Variants in UBE2D2 observed in about 807,000 individuals in gnomAD.
The protein encoded by UBE2D2 is ubiquitin conjugating enzyme E2 D2.
In UBE2D2, 2 loss-of-function variants were observed where a neutral mutation model predicts 24.2. The ratio of observed to expected loss-of-function variants is 0.08; its 90% confidence interval spans 0.03 to 0.26. UBE2D2 has a LOEUF of 0.26. Ranked by LOEUF, UBE2D2 falls within the 10% of genes least tolerant of loss-of-function variation. The pLI is 1.00. For synonymous variants in UBE2D2, 58 were observed against 56.5 expected (o/e 1.03, Z -0.12); for missense variants, 44 against 177.6 (o/e 0.25, Z 4.28).
At chr5:139,570,342 G>A (rs759024355) in intron 1 of UBE2D2, among the ~76,000 whole-genome samples, 1 of 151,776 alleles carries the variant, frequency 6.6e-6, no homozygotes, top group Non-Finnish European at 1.5e-5. Context: ...CCACCACCCC[G>A]CCTTTTTTTC....
chr5:139,584,425 A>G (rs1464577778), intron 1 of UBE2D2, among the ~76,000 whole-genome samples: 3 of 150,252 alleles, frequency 2.0e-5, no homozygotes, highest in Non-Finnish European at 4.4e-5. Context: ...TATTCTCTTC[A>G]TAACACATTT....
intron 1 of UBE2D2, among the ~76,000 whole-genome samples, chr5:139,598,364 T>G (rs1754001175): frequency 6.6e-6 from 1 of 152,102 alleles, no homozygotes; most frequent in African/African-American, 2.4e-5. Context: ...CTTGAGAACT[T>G]TCTTTTTGTC....
At chr5:139,543,887 GTTCAC>G (rs1214416884) in intron 1 of UBE2D2, among the ~76,000 whole-genome samples, 6 of 152,152 alleles carry the variant, frequency 3.9e-5, no homozygotes, top group Non-Finnish European at 7.4e-5. Flanking sequence ...TTTGACAGGT[GTTCAC>G]TTCATTTTCT....
At chr5:139,607,963 A>C (rs1169228232) in intron 2 of UBE2D2, among the ~76,000 whole-genome samples, 1 of 151,266 alleles carries the variant, frequency 6.6e-6, no homozygotes, top group East Asian at 1.9e-4. Context: ...CAGTGAGCCA[A>C]AGTTGTGCCA....
At chr5:139,608,061 C>CT (rs543479933) in intron 2 of UBE2D2, among the ~76,000 whole-genome samples, 59 of 151,946 alleles carry the variant, frequency 3.9e-4, no homozygotes, top group African/African-American at 1.3e-3. Flanking sequence ...TAGAGTATCT[C>CT]TAACTTTTTG....
chr5:139,579,094 G>A (rs922154013), intron 1 of UBE2D2, among the ~76,000 whole-genome samples: 2 of 151,524 alleles, frequency 1.3e-5, no homozygotes, highest in Admixed American at 6.6e-5. Context: ...CAGCCTCCTG[G>A]GTAGCTTGAA....
intron 1 of UBE2D2, among the ~76,000 whole-genome samples, chr5:139,574,280 C>CAA (rs756512602): frequency 3.4e-5 from 2 of 59,298 alleles, no homozygotes; most frequent in Admixed American, 2.1e-4. Flanking sequence ...AACTCTGTCT[C>CAA]AAAAAAAAAA....
chr5:139,581,097 G>T (rs1753594122), intron 1 of UBE2D2, among the ~76,000 whole-genome samples: 1 of 152,160 alleles, frequency 6.6e-6, no homozygotes, highest in South Asian at 2.1e-4. Flanking sequence ...AGGATGGGAA[G>T]AATATTCTAG....
At chr5:139,554,985 C>T (rs1752961764) in intron 1 of UBE2D2, 1 of 152,102 alleles carries the variant, frequency 6.6e-6, no homozygotes, top group Non-Finnish European at 1.5e-5. Context: ...GTAAACATCA[C>T]ATCATTCATA....
chr5:139,563,425 ATGTCT>A (rs1753151465), intron 1 of UBE2D2, among the ~76,000 whole-genome samples: 2 of 152,172 alleles, frequency 1.3e-5, no homozygotes, highest in Admixed American at 1.3e-4. Context: ...TTAAGCAAAG[ATGTCT>A]TAAAGAACCG....
intron 1 of UBE2D2, among the ~76,000 whole-genome samples, chr5:139,598,552 CTTTTTTTTT>C (rs746165110): frequency 5.7e-5 from 6 of 104,938 alleles, no homozygotes; most frequent in South Asian, 6.6e-4. Flanking sequence ...ACTACAAAGC[CTTTTTTTTT>C]TTTTTTTTTT....
At chr5:139,605,517 G>C (rs1188964375) in intron 2 of UBE2D2, among the ~76,000 whole-genome samples, 1 of 149,352 alleles carries the variant, frequency 6.7e-6, no homozygotes, top group Non-Finnish European at 1.5e-5. Context: ...GCGTGAACCC[G>C]GGAGGTGGAG....
intron 1 of UBE2D2, among the ~76,000 whole-genome samples, chr5:139,531,844 G>A (rs187804835): frequency 1.3e-5 from 2 of 151,980 alleles, no homozygotes; most frequent in East Asian, 1.9e-4. Context: ...AAAACCAGGT[G>A]GGTATAGTGG....
chr5:139,613,005 G>C (rs1439430931), intron 2 of UBE2D2, among the ~76,000 whole-genome samples: 2 of 152,182 alleles, frequency 1.3e-5, no homozygotes, highest in African/African-American at 4.8e-5. Context: ...TAGTGGCCCA[G>C]AATGGCTTTG....
chr5:139,615,532 A>G (rs1444931491), intron 5 of UBE2D2, among the ~76,000 whole-genome samples: 2 of 152,114 alleles, frequency 1.3e-5, no homozygotes, highest in African/African-American at 4.8e-5. Context: ...TTTTTAGAGC[A>G]TAAAGTAGAG....
chr5:139,593,355 T>C (rs1019693654), intron 1 of UBE2D2, among the ~76,000 whole-genome samples: 4 of 152,108 alleles, frequency 2.6e-5, no homozygotes, highest in African/African-American at 9.7e-5. Flanking sequence ...TAAAGAACCA[T>C]GGTACAGCAG....
At chr5:139,621,625 T>C (rs1469970429) in intron 5 of UBE2D2, among the ~76,000 whole-genome samples, 1 of 152,084 alleles carries the variant, frequency 6.6e-6, no homozygotes, top group African/African-American at 2.4e-5. Context: ...TGGCTGTCTT[T>C]TTTTTTTTTC....
chr5:139,604,108 A>G (rs1754142103), intron 2 of UBE2D2, among the ~76,000 whole-genome samples: 1 of 152,140 alleles, frequency 6.6e-6, no homozygotes, highest in Non-Finnish European at 1.5e-5. Flanking sequence ...CATATATCTC[A>G]TAAGGGACAT....
Position 139,562,499 on chromosome 5 carries a change from C to A in UBE2D2, c.24+684C>A, listed in dbSNP as rs559817165. On this transcript the variant is annotated intron_variant, in intron 1 of 6. Coordinates refer to ENST00000398733, the MANE Select transcript of UBE2D2 (RefSeq NM_003339.3). ...GTTAGAAACTAACACTTCCGTTTTG[C>A]AGGATTGGATCTAATAGAAAAGCTG... 26 of 1,212,136 alleles carry A rather than the reference C, an allele frequency of 2.1e-5. No homozygotes were observed. The South Asian group carries it at 3.2e-4, about 15-fold the overall frequency. 75.1% of individuals were successfully genotyped at this position (1,212,136 alleles called of 1,614,324 possible).
Sources: gnomAD v4.1 joint callset for allele counts (sites outside exome capture counted in the v4.1 genomes callset) on GRCh38, gnomAD v4.1.1 for gene constraint, MANE v1.5 for transcripts, NCBI Gene and HGNC (gene_info 2026-07-23, HGNC 2026-07-21) for gene names.